Variants in LRP1B observed in about 807,000 individuals in gnomAD.
LRP1B encodes the protein LDL receptor related protein 1B, also known as low-density lipoprotein receptor-related protein 1B.
LRP1B carries 217 observed loss-of-function variants against 556.6 expected under a neutral mutation model. That is an observed-to-expected ratio of 0.39 (90% CI 0.35 to 0.44). The LOEUF (loss-of-function observed/expected upper bound fraction) is 0.44, where lower values mean the gene tolerates loss of function less well. Among genes scored for constraint, LRP1B ranks in the 20% least tolerant of loss-of-function variants. The pLI, the probability that LRP1B is intolerant of heterozygous loss-of-function variation, is 1.00. For synonymous variants in LRP1B, 2,047 were observed against 1,865.8 expected, an observed-to-expected ratio of 1.10 and a Z score of -2.50; for missense variants, 5,053 against 5,620.8, an observed-to-expected ratio of 0.90 and a Z score of 3.23.
chr2:141,986,533 G>T (rs1702191324), intron 1 of LRP1B, among the ~76,000 whole-genome samples: 1 of 151,452 alleles, frequency 6.6e-6, no homozygotes, highest in South Asian at 2.1e-4. Flanking sequence ...ACCTCTATTT[G>T]AATATTTACA....
chr2:141,647,139 T>A (rs1276979556), intron 2 of LRP1B, among the ~76,000 whole-genome samples: 1 of 152,178 alleles, frequency 6.6e-6, no homozygotes, highest in Non-Finnish European at 1.5e-5. Flanking sequence ...ACTGATTTTG[T>A]ATCCTTGTCA....
rs1688753612 is a variant in LRP1B, at chr2:140,492,695, T to G, written c.9035-2A>C. 1 of 1,594,650 alleles carries G rather than the reference T, an allele frequency of 6.3e-7. No individual in the cohort carries two copies. The highest frequency in any genetic ancestry group is 1.3e-5 in the African/African-American group (1 of 74,498). ...CAAGAATTAAAAAAGGTTCTTCATC[T>G]AAACACCAACACAAATAACATATTA... is the stretch of plus-strand genomic sequence containing the variant. On this transcript the variant is annotated splice_acceptor_variant, in intron 56 of 90. Transcript: ENST00000389484. LOFTEE classifies it high-confidence loss of function.
intron 35 of LRP1B, among the ~76,000 whole-genome samples, chr2:140,749,668 T>C (rs1480592684): frequency 6.6e-6 from 1 of 152,172 alleles, no homozygotes; most frequent in Non-Finnish European, 1.5e-5. Context: ...TCATCTCCTA[T>C]GATAACAATG....
At chr2:141,575,623 C>T (rs1460068099) in intron 2 of LRP1B, among the ~76,000 whole-genome samples, 1 of 152,056 alleles carries the variant, frequency 6.6e-6, no homozygotes, top group Admixed American at 6.5e-5. Context: ...AACTAAAGAA[C>T]TTCTGCACAG....
At chr2:141,960,584 A>G (rs1449122352) in intron 1 of LRP1B, among the ~76,000 whole-genome samples, 1 of 151,916 alleles carries the variant, frequency 6.6e-6, no homozygotes, top group African/African-American at 2.4e-5. Context: ...CATTATTTGC[A>G]TCTTCTAAAA....
chr2:141,410,870 C>G (rs1425992042), intron 3 of LRP1B, among the ~76,000 whole-genome samples: 1 of 151,960 alleles, frequency 6.6e-6, no homozygotes, highest in Non-Finnish European at 1.5e-5. Context: ...TTACTTTAAG[C>G]TGTAACACAA....
chr2:142,121,657 A>G (rs1707460572), intron 1 of LRP1B, among the ~76,000 whole-genome samples: 1 of 152,040 alleles, frequency 6.6e-6, no homozygotes, highest in Admixed American at 6.6e-5. Context: ...CCTCAGTCAC[A>G]TTACATTATT....
At chr2:141,275,983 G>A (rs536947119) in intron 3 of LRP1B, among the ~76,000 whole-genome samples, 25 of 152,036 alleles carry the variant, frequency 1.6e-4, no homozygotes, top group Admixed American at 1.6e-3. Flanking sequence ...ATATAAACCA[G>A]ATGGCCTCTC....
intron 1 of LRP1B, among the ~76,000 whole-genome samples, chr2:142,113,793 TC>T (rs200228566): frequency 0.023 from 3,508 of 152,164 alleles, 54 homozygotes; most frequent in African/African-American, 0.039. Flanking sequence ...ACAGGCACCA[TC>T]CTTTTCAGTG....
chr2:141,851,114 C>T (rs1304293421), intron 1 of LRP1B, among the ~76,000 whole-genome samples: 1 of 59,524 alleles, frequency 1.7e-5, no homozygotes, highest in Non-Finnish European at 3.4e-5. Flanking sequence ...TAGTTGTTTT[C>T]AGTCTTTATT....
intron 6 of LRP1B, among the ~76,000 whole-genome samples, chr2:141,204,666 CATATTT>C (rs1240324581): frequency 1.3e-5 from 2 of 152,002 alleles, no homozygotes; most frequent in African/African-American, 2.4e-5. Flanking sequence ...GAAAATAATT[CATATTT>C]ATAAGAATGT....
At chr2:140,618,309 A>C (rs1441453) in intron 41 of LRP1B, among the ~76,000 whole-genome samples, 6,241 of 152,066 alleles carry the variant, frequency 0.041, 177 homozygotes, top group Middle Eastern at 0.082. Flanking sequence ...TAAAGTAATA[A>C]TAGGAAAGAG....
At chr2:141,606,072 C>A (rs16855065) in intron 2 of LRP1B, among the ~76,000 whole-genome samples, 46,436 of 152,080 alleles carry the variant, frequency 0.31, 8,521 homozygotes, top group East Asian at 0.46. Context: ...CACGTCCGTG[C>A]TAGACAAGAG....
intron 23 of LRP1B, among the ~76,000 whole-genome samples, chr2:140,887,084 T>C (rs1260509960): frequency 1.3e-5 from 2 of 152,198 alleles, no homozygotes; most frequent in Non-Finnish European, 2.9e-5. Context: ...CATACTGATG[T>C]ATATTGTTGT....
chr2:142,085,736 T>G (rs997299007), intron 1 of LRP1B, among the ~76,000 whole-genome samples: 3 of 152,222 alleles, frequency 2.0e-5, no homozygotes, highest in Non-Finnish European at 4.4e-5. Flanking sequence ...CCAGTTTAAC[T>G]GAACTTTCAT....
intron 41 of LRP1B, 134 bp downstream of exon 41, chr2:140,700,116 T>A (rs1489453482): frequency 8.9e-6 from 7 of 790,270 alleles, no homozygotes; most frequent in East Asian, 2.7e-5. Flanking sequence ...GAGGGTTAGA[T>A]GATATAGTCA....
chr2:141,039,937 CTG>C (rs1481253582), intron 11 of LRP1B, among the ~76,000 whole-genome samples: 2 of 152,046 alleles, frequency 1.3e-5, no homozygotes, highest in Non-Finnish European at 2.9e-5. Context: ...AAACTGAACA[CTG>C]TTTTCAAGAA....
rs1573788812 is a variant in LRP1B at position 140,839,933 on chromosome 2, T to G, written c.5209+58A>C. On this transcript the variant is annotated intron_variant, in intron 31 of 90. Transcript: ENST00000389484. Reference sequence around the variant, plus strand: ...TTCAGGATCTAGATCAAAGGTATATTGTACAAGTACAGGTTTGTCACATTG... The same window carrying G: ...TTCAGGATCTAGATCAAAGGTATATGGTACAAGTACAGGTTTGTCACATTG... 8 of 1,004,926 alleles carry G rather than the reference T, an allele frequency of 8.0e-6. No individual in the cohort carries two copies. In the East Asian group the frequency reaches 1.7e-4, roughly 21 times the overall value. The allele number at this position is 1,004,926 out of a possible 1,614,324, so 62.3% of individuals were successfully genotyped here.
At chr2:140,683,705 C>T in intron 41 of LRP1B, 1 of 729,754 alleles carries the variant, frequency 1.4e-6, no homozygotes, top group Non-Finnish European at 2.5e-6. Context: ...GCTGGACTGT[C>T]ATTAGAGACA....
Sources: allele counts gnomAD v4.1 joint callset (sites outside exome capture counted in the v4.1 genomes callset), GRCh38; gene constraint gnomAD v4.1.1; transcripts MANE v1.5; gene names NCBI Gene and HGNC (gene_info 2026-07-23, HGNC 2026-07-21).